PHACTR1: variants seen among roughly 807,000 people sequenced by gnomAD.
The protein encoded by PHACTR1 is RPEL repeat containing 1.
A neutral mutation model predicts 69.2 loss-of-function variants in PHACTR1; 16 were observed. That is an observed-to-expected ratio of 0.23 (90% CI 0.16 to 0.35). PHACTR1 has a LOEUF of 0.35. Ranked by LOEUF, PHACTR1 falls within the 10% of genes least tolerant of loss-of-function variation. The probability of loss-of-function intolerance (pLI) is 1.00; values close to 1 mark genes in which losing one functional copy is unlikely to be tolerated. For missense variants in PHACTR1, 510 were observed against 734.7 expected (o/e 0.69, Z 3.54); for synonymous variants, 312 against 284.5 (o/e 1.10, Z -0.97).
At chr6:13,244,466 G>T (rs1036132530) in intron 10 of PHACTR1, among the ~76,000 whole-genome samples, 1 of 152,142 alleles carries the variant, frequency 6.6e-6, no homozygotes, top group African/African-American at 2.4e-5. Flanking sequence ...GCCTGGGAGC[G>T]CTATGGGAGA....
chr6:13,274,292 G>A (rs1031537746), intron 11 of PHACTR1: 1 of 152,204 alleles, frequency 6.6e-6, no homozygotes, highest in Non-Finnish European at 1.5e-5. Context: ...CTAGGAATGT[G>A]TGTTTACTTT....
chr6:13,106,347 C>G (rs1302870124), intron 5 of PHACTR1, among the ~76,000 whole-genome samples: 1 of 152,134 alleles, frequency 6.6e-6, no homozygotes, highest in Non-Finnish European at 1.5e-5. Context: ...TAATACAGCA[C>G]AGTGTTAAAT....
chr6:13,023,919 A>C lies in PHACTR1; in HGVS notation c.251-29446A>C, dbSNP rs375402581. Among the ~76,000 whole-genome samples, 28 of 152,344 alleles carry C rather than the reference A, an allele frequency of 1.8e-4. No homozygotes were observed. The South Asian group carries it at 5.8e-3, about 32-fold the overall frequency. ...TGGCAAAACCCTGTCTCTACTAAAA[A>C]TACAAAAATTAGCCGGGCATGGTGG... On this transcript the variant is annotated intron_variant, in intron 4 of 14. Transcript: ENST00000332995.
rs115720303 is a variant in PHACTR1 at position 12,806,929 on chromosome 6, A to G, written c.250+57139A>G. ...TGCAATTACAAATCTGGAGTTTTTA[A>G]TCTAGCAATCAGATGACAAGTTGAG... is the stretch of plus-strand genomic sequence containing the variant. On this transcript the variant is annotated intron_variant, in intron 4 of 14. Coordinates refer to ENST00000332995, the MANE Select transcript of PHACTR1 (RefSeq NM_030948.6). Among the ~76,000 whole-genome samples, 778 of 152,374 alleles carry G rather than the reference A, an allele frequency of 5.1e-3. 3 individuals carry two copies. The highest frequency in any genetic ancestry group is 8.8e-3 in the Non-Finnish European group (599 of 68,034).
chr6:13,225,715 T>G (rs952193609), intron 8 of PHACTR1, among the ~76,000 whole-genome samples: 31 of 152,338 alleles, frequency 2.0e-4, no homozygotes, highest in African/African-American at 7.2e-4. Flanking sequence ...TATTGACTGC[T>G]TTCATCCCCA....
intron 5 of PHACTR1, among the ~76,000 whole-genome samples, chr6:13,055,256 G>T (rs1806594003): frequency 6.6e-6 from 1 of 152,234 alleles, no homozygotes; most frequent in Admixed American, 6.5e-5. Context: ...CCACCACTCT[G>T]ACTCTGCATT....
intron 5 of PHACTR1, among the ~76,000 whole-genome samples, chr6:13,121,668 A>T (rs932209004): frequency 6.6e-6 from 1 of 152,202 alleles, no homozygotes; most frequent in Non-Finnish European, 1.5e-5. Context: ...ATGATCTGAC[A>T]TGGTTTCCAG....
rs146766511 is a variant in PHACTR1 at position 13,248,862 on chromosome 6, A to T, written c.1391+18669A>T. ...AAGACTGGAAGCCACAGCGGAGAGA[A>T]AGTTGGCATAAAAAGCACTCTGCAA... On this transcript the variant is annotated intron_variant, in intron 10 of 14. Transcript: ENST00000332995. Among the ~76,000 whole-genome samples, 20 of 152,332 alleles carry T rather than the reference A, an allele frequency of 1.3e-4. No individual in the cohort carries two copies. The East Asian group carries it at 3.5e-3, about 26-fold the overall frequency.
chr6:13,227,738 G>A, intron 8 of PHACTR1, 78 bp from the exon 9 acceptor site: 1 of 1,537,400 alleles, frequency 6.5e-7, no homozygotes, highest in Non-Finnish European at 8.8e-7. Context: ...GGGCAACTGA[G>A]TTTTAAAATG....
chr6:13,249,882 G>C (rs984634567), intron 10 of PHACTR1, among the ~76,000 whole-genome samples: 4 of 151,194 alleles, frequency 2.6e-5, no homozygotes, highest in African/African-American at 7.3e-5. Context: ...TTTCCGTCTT[G>C]TAAGTTATGA....
rs115680577 is a variant in PHACTR1, at chr6:13,205,686, C to T, written c.665-129C>T. The T allele has an allele frequency of 2.0e-3, 1,640 of 839,512 alleles. 17 individuals are homozygous for T. The African/African-American group carries it at 0.024, about 12-fold the overall frequency. 52.0% of individuals were successfully genotyped at this position (839,512 alleles called of 1,614,324 possible). A position where few individuals can be genotyped will look rare whatever the true frequency, so the allele number is the denominator to read the frequency against. ...AGTAGCACTCATCACGCTGGTGCCT[C>T]CAACTGACGCATTTTACCTAAGAGG... On this transcript the variant is annotated intron_variant, in intron 7 of 14. Coordinates refer to ENST00000332995, the MANE Select transcript of PHACTR1 (RefSeq NM_030948.6).
chr6:13,158,399 A>G (rs1231923699), intron 5 of PHACTR1, among the ~76,000 whole-genome samples: 2 of 152,014 alleles, frequency 1.3e-5, no homozygotes. Context: ...GTCCTCCCAT[A>G]TAGCCCTCCT....
intron 6 of PHACTR1, among the ~76,000 whole-genome samples, chr6:13,177,260 G>A (rs1320420666): frequency 2.0e-5 from 3 of 150,308 alleles, no homozygotes; most frequent in Non-Finnish European, 4.4e-5. Context: ...TGAAGTGAGA[G>A]GATCACTTGA....
intron 4 of PHACTR1, among the ~76,000 whole-genome samples, chr6:12,858,774 T>C (rs1228752299): frequency 1.3e-5 from 2 of 150,626 alleles, no homozygotes; most frequent in Non-Finnish European, 3.0e-5. Context: ...CGACTGCTTT[T>C]ATTTTTCTTA....
rs1252358103 is a variant in PHACTR1 at position 13,006,840 on chromosome 6, C to T, written c.251-46525C>T. On this transcript the variant is annotated intron_variant, in intron 4 of 14. Coordinates refer to ENST00000332995, the MANE Select transcript of PHACTR1 (RefSeq NM_030948.6). ...AGCTCATCACTGCGTCACTTCAGAA[C>T]CCAAAGGGAAGCCATAGCTGCTATC... 7.2e-5 allele frequency among the ~76,000 whole-genome samples: 11 copies of T among 152,292 alleles called. 1 individual carries two copies. Among genetic ancestry groups the T allele is most frequent in the Admixed American group, 7.2e-4 (11 of 15,298 alleles).
At chr6:12,746,520 A>C (rs529231579) in intron 3 of PHACTR1, among the ~76,000 whole-genome samples, 1 of 152,216 alleles carries the variant, frequency 6.6e-6, no homozygotes, top group South Asian at 2.1e-4. Flanking sequence ...CCTGGGTGAC[A>C]GAGTGAGAGC....
intron 6 of PHACTR1, among the ~76,000 whole-genome samples, chr6:13,160,918 A>T (rs73371724): frequency 0.025 from 3,878 of 152,306 alleles, 171 homozygotes; most frequent in African/African-American, 0.089. Context: ...TATGCAGTGA[A>T]CTACATGGCA....
In PHACTR1 at chr6:13,049,129, T is replaced by C. The variant is rs1460261003; in HGVS notation, c.251-4236T>C. On this transcript the variant is annotated intron_variant, in intron 4 of 14. Coordinates refer to ENST00000332995, the MANE Select transcript of PHACTR1 (RefSeq NM_030948.6). ...TATAATACCCTGTGTTCCTTGCCAC[T>C]CTTGGTTTTTCAAAGGCACTTCTAA... is the stretch of plus-strand genomic sequence containing the variant. Among the ~76,000 whole-genome samples, 10 of 152,358 alleles carry C rather than the reference T, an allele frequency of 6.6e-5. No individual in the cohort carries two copies. The East Asian group carries it at 1.9e-3, about 29-fold the overall frequency.
intron 4 of PHACTR1, among the ~76,000 whole-genome samples, chr6:12,964,681 G>C (rs1793209216): frequency 6.6e-6 from 1 of 152,162 alleles, no homozygotes; most frequent in Non-Finnish European, 1.5e-5. Flanking sequence ...GGAGTGAATG[G>C]AAGTTGATGG....
Sources: allele counts gnomAD v4.1 joint callset (sites outside exome capture counted in the v4.1 genomes callset), GRCh38; gene constraint gnomAD v4.1.1; transcripts MANE v1.5; gene names NCBI Gene and HGNC (gene_info 2026-07-23, HGNC 2026-07-21).